The following ARHGEF7 variants were observed in gnomAD, a reference collection of about 807,000 sequenced individuals.
The protein encoded by ARHGEF7 is PAK-interacting exchange factor beta.
A neutral mutation model predicts 109.8 loss-of-function variants in ARHGEF7; 33 were observed. That is an observed-to-expected ratio of 0.30 (90% CI 0.23 to 0.40). ARHGEF7 has a LOEUF of 0.40. Ranked by LOEUF, ARHGEF7 falls within the 10% of genes least tolerant of loss-of-function variation. The probability of loss-of-function intolerance (pLI) is 1.00; values close to 1 mark genes in which losing one functional copy is unlikely to be tolerated. For synonymous variants in ARHGEF7, 458 were observed against 424.6 expected (o/e 1.08, Z -0.97); for missense variants, 938 against 1,098.5 (o/e 0.85, Z 2.07).
chr13:111,260,848 A>G (rs566842475), intron 8 of ARHGEF7, among the ~76,000 whole-genome samples: 1 of 152,350 alleles, frequency 6.6e-6, no homozygotes, highest in African/African-American at 2.4e-5. Context: ...CACAAGGACA[A>G]AGTTAAAGTG....
intron 2 of ARHGEF7, among the ~76,000 whole-genome samples, chr13:111,169,478 C>T (rs9515380): frequency 0.16 from 24,239 of 151,984 alleles, 2,253 homozygotes; most frequent in South Asian, 0.21. Context: ...TTGAAACAAC[C>T]ATATCTCACC....
chr13:111,234,097 A>T (rs1270675693), intron 6 of ARHGEF7, among the ~76,000 whole-genome samples: 4 of 152,068 alleles, frequency 2.6e-5, no homozygotes, highest in Non-Finnish European at 4.4e-5. Flanking sequence ...TTCTTCCCCT[A>T]CTCCCAATCT....
intron 2 of ARHGEF7, among the ~76,000 whole-genome samples, chr13:111,202,516 C>T (rs1204435133): frequency 6.6e-6 from 1 of 152,198 alleles, no homozygotes; most frequent in Non-Finnish European, 1.5e-5. Context: ...TACTTCCTTC[C>T]CTCCTGCTGC....
chr13:111,144,729 C>A (rs1391527160), intron 1 of ARHGEF7: 1 of 151,980 alleles, frequency 6.6e-6, no homozygotes, highest in Non-Finnish European at 1.5e-5. Context: ...CCTATGAAGA[C>A]CCCAGCACGC....
chr13:111,264,497 T>TTGTGCATCCTAA (rs2091417721), intron 8 of ARHGEF7, among the ~76,000 whole-genome samples: 1 of 152,126 alleles, frequency 6.6e-6, no homozygotes, highest in African/African-American at 2.4e-5. Flanking sequence ...ACAGGAAGAC[T>TTGTGCATCCTAA]TGTGCATCCT....
At chr13:111,176,444 C>G (rs142230242) in intron 2 of ARHGEF7, among the ~76,000 whole-genome samples, 5 of 152,160 alleles carry the variant, frequency 3.3e-5, no homozygotes, top group African/African-American at 1.2e-4. Flanking sequence ...GTTAGATGGC[C>G]GGCCCCTGGA....
rs1345906270 is a variant in ARHGEF7 at position 111,221,461 on chromosome 13, A to C, written c.670+3581A>C. Among the ~76,000 whole-genome samples, 9 of 97,572 alleles carry C rather than the reference A, an allele frequency of 9.2e-5. No homozygotes were observed. In the East Asian group the frequency reaches 2.1e-3, roughly 23 times the overall value. 64.0% of individuals were successfully genotyped at this position (97,572 alleles called of 152,430 possible). ...TATATATATCTATATATATAGATAT[A>C]TAGACATCTATATATATAGATATAT... On this transcript the variant is annotated intron_variant, in intron 5 of 21. Transcript: ENST00000646102.
At chr13:111,129,802 G>A (rs1009235278) in intron 1 of ARHGEF7, among the ~76,000 whole-genome samples, 3 of 152,294 alleles carry the variant, frequency 2.0e-5, no homozygotes, top group Admixed American at 1.3e-4. Flanking sequence ...CAACTGCTTC[G>A]GAAAACAGTT....
chr13:111,123,765 C>T (rs910098131), intron 1 of ARHGEF7, among the ~76,000 whole-genome samples: 11 of 151,904 alleles, frequency 7.2e-5, no homozygotes, highest in African/African-American at 1.9e-4. Flanking sequence ...CCTCACCACC[C>T]TATAAGGGAG....
Position 111,300,905 on chromosome 13 carries a change from A to G in ARHGEF7, c.2411+58A>G, listed in dbSNP as rs909550871. 17 of 1,121,670 alleles carry G rather than the reference A, an allele frequency of 1.5e-5. No homozygotes were observed. In the African/African-American group the frequency reaches 2.7e-4, roughly 18 times the overall value. The allele number at this position is 1,121,670 out of a possible 1,614,324, so 69.5% of individuals were successfully genotyped here. ...TTTGACCTCTGCGGTGGGGTAGTAG[A>G]GTCCAGACAACTCCCTGAGGGCGGG... is the stretch of plus-strand genomic sequence containing the variant. On this transcript the variant is annotated intron_variant, in intron 20 of 21. Coordinates refer to ENST00000646102, the MANE Select transcript of ARHGEF7 (RefSeq NM_001354046.2).
chr13:111,211,610 G>A (rs1334462653), intron 4 of ARHGEF7, among the ~76,000 whole-genome samples: 3 of 152,186 alleles, frequency 2.0e-5, no homozygotes, highest in African/African-American at 7.2e-5. Context: ...TTGATTGGGT[G>A]CTAGAGAGCT....
intron 2 of ARHGEF7, among the ~76,000 whole-genome samples, chr13:111,204,830 A>G (rs1309167230): frequency 6.6e-6 from 1 of 151,794 alleles, no homozygotes; most frequent in Non-Finnish European, 1.5e-5. Flanking sequence ...TGATGTCCGC[A>G]TTTTCTTTTG....
Position 111,255,941 on chromosome 13 carries a change from A to G in ARHGEF7, c.951-11607A>G, listed in dbSNP as rs1241932488. ...AGTAGAGAATGATTTAATGAACTTCATGAATGGTGTAATGAATTGGTATGA... is the reference window on the plus strand; with the variant it reads ...AGTAGAGAATGATTTAATGAACTTCGTGAATGGTGTAATGAATTGGTATGA... On this transcript the variant is annotated intron_variant, in intron 8 of 21. Coordinates refer to ENST00000646102, the MANE Select transcript of ARHGEF7 (RefSeq NM_001354046.2). The surrounding 1 kb of genome is among the most constrained non-coding windows in gnomAD (Gnocchi z 4.1). Among the ~76,000 whole-genome samples, 1 of 152,224 alleles carries G rather than the reference A, an allele frequency of 6.6e-6. No homozygotes were observed. The highest frequency in any genetic ancestry group is 1.5e-5 in the Non-Finnish European group (1 of 68,038).
At chr13:111,165,561 G>A (rs982374214) in intron 2 of ARHGEF7, among the ~76,000 whole-genome samples, 13 of 152,278 alleles carry the variant, frequency 8.5e-5, no homozygotes, top group African/African-American at 2.6e-4. Flanking sequence ...AGAAGGCTTG[G>A]AGGAACAAGC....
At chr13:111,241,617 A>G (rs1274814921) in intron 6 of ARHGEF7, among the ~76,000 whole-genome samples, 2 of 152,228 alleles carry the variant, frequency 1.3e-5, no homozygotes, top group Non-Finnish European at 2.9e-5. Context: ...TTTGGTGCTT[A>G]TGGGAAGCTT....
At chr13:111,250,594 A>G (rs80050703) in intron 8 of ARHGEF7, among the ~76,000 whole-genome samples, 5,090 of 152,186 alleles carry the variant, frequency 0.033, 290 homozygotes, top group African/African-American at 0.12. Flanking sequence ...CACTTCGTCA[A>G]TTGTCTGACA....
intron 12 of ARHGEF7, among the ~76,000 whole-genome samples, chr13:111,277,161 T>C (rs2092537210): frequency 6.6e-6 from 1 of 152,202 alleles, no homozygotes; most frequent in Admixed American, 6.5e-5. Context: ...CCCATTAAAA[T>C]TTATAGGTTC....
At chr13:111,136,854 T>A (rs2075111701) in intron 1 of ARHGEF7, among the ~76,000 whole-genome samples, 1 of 151,936 alleles carries the variant, frequency 6.6e-6, no homozygotes, top group African/African-American at 2.4e-5. Context: ...CTAGCAAGAC[T>A]AATAAAGAAG....
intron 2 of ARHGEF7, among the ~76,000 whole-genome samples, chr13:111,202,758 G>C (rs1310352964): frequency 6.6e-6 from 1 of 152,192 alleles, no homozygotes; most frequent in Non-Finnish European, 1.5e-5. Context: ...TCTGTACTCA[G>C]ATTTTTCTGT....
Sources: gnomAD v4.1 joint callset for allele counts (sites outside exome capture counted in the v4.1 genomes callset) on GRCh38, gnomAD v4.1.1 for gene constraint, Gnocchi (gnomAD v3.1) non-coding constraint, MANE v1.5 for transcripts, NCBI Gene and HGNC (gene_info 2026-07-23, HGNC 2026-07-21) for gene names.